The following AP2B1 variants were observed in gnomAD, a reference collection of about 807,000 sequenced individuals.
AP2B1 encodes AP-2 complex subunit beta.
A neutral mutation model predicts 102.0 loss-of-function variants in AP2B1; 23 were observed. That is an observed-to-expected ratio of 0.23 (90% CI 0.16 to 0.32). AP2B1 has a LOEUF of 0.32. Among genes scored for constraint, AP2B1 ranks in the 10% least tolerant of loss-of-function variants. The pLI is 1.00. For synonymous variants in AP2B1, 381 were observed against 421.2 expected (o/e 0.90, Z 1.17); for missense variants, 541 against 1,157.4 (o/e 0.47, Z 7.73).
chr17:35,707,000 G>A (rs1331576789), intron 18 of AP2B1, among the ~76,000 whole-genome samples: 3 of 151,858 alleles, frequency 2.0e-5, no homozygotes, highest in Non-Finnish European at 4.4e-5. Context: ...GCTGTCTCAA[G>A]ATCTTCTTGG....
At chr17:35,716,944 G>A (rs1211912039) in intron 20 of AP2B1, among the ~76,000 whole-genome samples, 1 of 152,180 alleles carries the variant, frequency 6.6e-6, no homozygotes, top group Non-Finnish European at 1.5e-5. Flanking sequence ...ATCTCCAAAG[G>A]TAACTCGCAC....
chr17:35,662,818 G>A lies in AP2B1; in HGVS notation c.1989+5027G>A, dbSNP rs534889524. On this transcript the variant is annotated intron_variant, in intron 14 of 21. Coordinates refer to ENST00000610402, the MANE Select transcript of AP2B1 (RefSeq NM_001030006.2). ...CAGCCTTTTGTTCATCCAAGGTGCTGTGCATTATTCTTTTACATAAACAGT... is the reference window on the plus strand; with the variant it reads ...CAGCCTTTTGTTCATCCAAGGTGCTATGCATTATTCTTTTACATAAACAGT... Among the ~76,000 whole-genome samples, 52 of 152,250 alleles carry A rather than the reference G, an allele frequency of 3.4e-4. 1 individual carries two copies. Among genetic ancestry groups the A allele is most frequent in the Admixed American group, 5.2e-4 (8 of 15,294 alleles).
chr17:35,682,568 T>G, intron 17 of AP2B1, 127 bp from the exon 18 acceptor site: 1 of 812,042 alleles, frequency 1.2e-6, no homozygotes, highest in Non-Finnish European at 1.9e-6. Context: ...GGTTTTGAAC[T>G]GCTGACCTCA....
chr17:35,643,257 AG>A (rs1056206628), intron 12 of AP2B1, among the ~76,000 whole-genome samples: 1 of 152,168 alleles, frequency 6.6e-6, no homozygotes, highest in Non-Finnish European at 1.5e-5. Flanking sequence ...ATGTGGCCTC[AG>A]GTTGGACAAG....
intron 12 of AP2B1, among the ~76,000 whole-genome samples, chr17:35,647,105 A>G (rs1264219496): frequency 6.6e-6 from 1 of 152,210 alleles, no homozygotes; most frequent in East Asian, 1.9e-4. Context: ...GCAGTGTTTA[A>G]TTATGTAATA....
In AP2B1 at chr17:35,624,414, A is replaced by G. The variant is rs1206675369; in HGVS notation, c.543A>G (p.Val181=). The change falls in exon 6 of 22, where the codon GTA becomes GTG. Residue 181 remains valine, a synonymous_variant. Transcript: ENST00000610402. Reference sequence around the variant, plus strand: ...TTTTCCAGGTGGTGGCTAATGCCGTAGCGGCATTATCTGAAATCAGTGAGT... The same window carrying G: ...TTTTCCAGGTGGTGGCTAATGCCGTGGCGGCATTATCTGAAATCAGTGAGT... ...DSNPMVVANA[V]AALSEISESH... The G allele has an allele frequency of 1.2e-6, 2 of 1,614,088 alleles. No homozygotes were observed. The highest frequency in any genetic ancestry group is 1.7e-5 in the Admixed American group (1 of 60,024).
intron 2 of AP2B1, chr17:35,597,061 G>T (rs1597974885): frequency 1.4e-5 from 8 of 571,158 alleles, no homozygotes; most frequent in South Asian, 1.3e-4. Context: ...GTGGCCGGGG[G>T]CGAAGGACCC....
intron 13 of AP2B1, 86 bp from the exon 14 acceptor site, chr17:35,657,513 C>G: frequency 9.5e-7 from 1 of 1,047,778 alleles, no homozygotes; most frequent in Admixed American, 2.4e-5. Context: ...TTATATATAG[C>G]TATATGTTTC....
chr17:35,717,119 T>C, intron 20 of AP2B1, 76 bp from the exon 21 acceptor site: 2 of 1,504,744 alleles, frequency 1.3e-6, no homozygotes, highest in Non-Finnish European at 1.8e-6. Flanking sequence ...ACATGGCTCA[T>C]AAGGATGTGA....
chr17:35,662,362 C>T (rs534195294), intron 14 of AP2B1, among the ~76,000 whole-genome samples: 7 of 152,140 alleles, frequency 4.6e-5, no homozygotes, highest in East Asian at 1.9e-4. Flanking sequence ...ACTGAACTAT[C>T]GCTTTGATGT....
intron 18 of AP2B1, among the ~76,000 whole-genome samples, chr17:35,704,970 G>A (rs1598332800): frequency 1.3e-5 from 2 of 152,312 alleles, no homozygotes; most frequent in African/African-American, 4.8e-5. Flanking sequence ...GGCGGAGGTT[G>A]CAGTGAGCCG....
intron 21 of AP2B1, among the ~76,000 whole-genome samples, chr17:35,718,594 T>A (rs1365779094): frequency 2.0e-5 from 3 of 152,020 alleles, no homozygotes; most frequent in Non-Finnish European, 4.4e-5. Flanking sequence ...ATGCCTGTAA[T>A]CCCAGCTACT....
At chr17:35,638,886 G>T (rs930878294) in intron 10 of AP2B1, among the ~76,000 whole-genome samples, 3 of 151,818 alleles carry the variant, frequency 2.0e-5, no homozygotes, top group African/African-American at 7.3e-5. Flanking sequence ...CACTGTTGTT[G>T]TCTAACTTCA....
chr17:35,709,966 GTCA>G (rs1267961393), intron 19 of AP2B1, among the ~76,000 whole-genome samples: 1 of 152,170 alleles, frequency 6.6e-6, no homozygotes, highest in African/African-American at 2.4e-5. Context: ...GCTCAGAAAG[GTCA>G]TAAGTCACCA....
chr17:35,687,410 A>G (rs2075958992), intron 18 of AP2B1, among the ~76,000 whole-genome samples: 4 of 152,026 alleles, frequency 2.6e-5, no homozygotes, highest in Admixed American at 2.6e-4. Flanking sequence ...GCGAGCCACC[A>G]CACCCAGCTG....
intron 9 of AP2B1, among the ~76,000 whole-genome samples, chr17:35,634,444 A>G (rs949188742): frequency 1.3e-5 from 2 of 152,198 alleles, no homozygotes; most frequent in Non-Finnish European, 1.5e-5. Context: ...CCATTATAGT[A>G]CATTGTAATA....
At chr17:35,663,610 G>A (rs1319939250) in intron 14 of AP2B1, among the ~76,000 whole-genome samples, 2 of 152,212 alleles carry the variant, frequency 1.3e-5, no homozygotes, top group Non-Finnish European at 2.9e-5. Context: ...AGAGTGCAGG[G>A]TGCATTTGAA....
At chr17:35,628,979 GTC>G (rs891286774) in intron 9 of AP2B1, among the ~76,000 whole-genome samples, 5 of 151,704 alleles carry the variant, frequency 3.3e-5, no homozygotes, top group African/African-American at 1.2e-4. Context: ...TTGAGACAGA[GTC>G]TCTGTTGCCC....
chr17:35,633,766 T>C (rs1208817582), intron 9 of AP2B1, among the ~76,000 whole-genome samples: 2 of 152,230 alleles, frequency 1.3e-5, no homozygotes, highest in African/African-American at 4.8e-5. Context: ...TAACAATAAT[T>C]CTTAATTTTA....
Sources: gnomAD v4.1 joint callset for allele counts (sites outside exome capture counted in the v4.1 genomes callset) on GRCh38, gnomAD v4.1.1 for gene constraint, MANE v1.5 for transcripts, NCBI Gene and HGNC (gene_info 2026-07-23, HGNC 2026-07-21) for gene names.